FAM234B: variants seen among roughly 807,000 people sequenced by gnomAD.
FAM234B encodes the protein family with sequence similarity 234 member B.
FAM234B carries 33 observed loss-of-function variants against 69.3 expected under a neutral mutation model. The observed-to-expected ratio is 0.48, with a 90% CI of 0.36 to 0.64. The LOEUF (loss-of-function observed/expected upper bound fraction) is 0.64. Among genes scored for constraint, FAM234B ranks in the 30% least tolerant of loss-of-function variants. FAM234B has a pLI of 0.00. For synonymous variants in FAM234B, 306 were observed against 306.9 expected, an observed-to-expected ratio of 1.00 and a Z score of 0.03; for missense variants, 697 against 769.7, an observed-to-expected ratio of 0.91 and a Z score of 1.12.
At chr12:13,064,817 C>G (rs777206035) in intron 5 of FAM234B, among the ~76,000 whole-genome samples, 15 of 152,154 alleles carry the variant, frequency 9.9e-5, no homozygotes, top group African/African-American at 2.9e-4. Flanking sequence ...ATGGAAGACT[C>G]TCTCTTCACA....
rs1404735952 is a variant in FAM234B, at chr12:13,076,152, C to T, written c.1642+9C>T. The T allele has an allele frequency of 6.3e-7, 1 of 1,590,048 alleles. No individual in the cohort carries two copies. The highest frequency in any genetic ancestry group is 8.6e-7 in the Non-Finnish European group (1 of 1,158,084). The stretch of plus-strand genomic sequence containing the variant: ...AGTGACGGCTTCAGAGGGTGAGTCC[C>T]AGTGCCAGCGGGAGTCTGTGTACGC... On this transcript the variant is annotated intron_variant, in intron 11 of 12. Transcript: ENST00000197268.
chr12:13,071,134 T>G (rs1043191126), intron 9 of FAM234B, 107 bp from the exon 10 acceptor site: 7 of 1,209,024 alleles, frequency 5.8e-6, no homozygotes, highest in Non-Finnish European at 8.4e-6. Flanking sequence ...CGCAGCGTGT[T>G]GATATTTGTG....
In FAM234B at chr12:13,080,647, G is replaced by C. The variant is rs372457263; in HGVS notation, c.*17G>C. The C allele has an allele frequency of 1.9e-6, 3 of 1,601,524 alleles. No homozygotes were observed. In the African/African-American group the frequency reaches 4.0e-5, roughly 21 times the overall value. On this transcript the variant is annotated 3_prime_UTR_variant, in exon 13 of 13. Coordinates refer to ENST00000197268, the MANE Select transcript of FAM234B (RefSeq NM_020853.2). ...TAGATCTAATCTGATGGAATCTTCAGTTGCAGAAGAAGTGAACAGAGTGGA... is the reference window on the plus strand; with the variant it reads ...TAGATCTAATCTGATGGAATCTTCACTTGCAGAAGAAGTGAACAGAGTGGA...
Position 13,068,758 on chromosome 12 carries a change from A to C in FAM234B, c.1368+47A>C, listed in dbSNP as rs368201590. 7.0e-6 allele frequency: 9 copies of C among 1,282,450 alleles called. No individual in the cohort carries two copies. In the African/African-American group the frequency reaches 1.0e-4, roughly 15 times the overall value. The allele number at this position is 1,282,450 out of a possible 1,614,324, so 79.4% of individuals were successfully genotyped here. On this transcript the variant is annotated intron_variant, in intron 9 of 12. Coordinates refer to ENST00000197268, the MANE Select transcript of FAM234B (RefSeq NM_020853.2). ...CAATCAAAGCATATGTAAAGTATAT[A>C]CTTTGTGTCCAACCCTGTGTTAGGC...
intron 2 of FAM234B, among the ~76,000 whole-genome samples, chr12:13,056,761 T>C (rs1333543268): frequency 6.6e-6 from 1 of 152,152 alleles, no homozygotes; most frequent in African/African-American, 2.4e-5. Context: ...GCTTTAGAAA[T>C]AGAACATCAT....
intron 10 of FAM234B, among the ~76,000 whole-genome samples, chr12:13,075,763 C>CT (rs1333335967): frequency 2.6e-5 from 4 of 151,670 alleles, no homozygotes; most frequent in South Asian, 2.1e-4. Flanking sequence ...GCCTGCCTTC[C>CT]TTTTTTTTCT....
chr12:13,067,440 C>A lies in FAM234B; in HGVS notation c.1142+144C>A. The A allele has an allele frequency of 1.2e-6, 1 of 866,096 alleles. No homozygotes were observed. The allele number at this position is 866,096 out of a possible 1,614,324, so 53.7% of individuals were successfully genotyped here. On this transcript the variant is annotated intron_variant, in intron 7 of 12. Transcript: ENST00000197268. This position sits in a 1 kb window ranked among gnomAD's most constrained non-coding sequence, Gnocchi z 4.7. ...TTATCTTAATTTACCATCTTCTGATCTGGTTAACATGAGTTAGAAATTTTC... is the reference window on the plus strand; with the variant it reads ...TTATCTTAATTTACCATCTTCTGATATGGTTAACATGAGTTAGAAATTTTC...
intron 1 of FAM234B, among the ~76,000 whole-genome samples, chr12:13,051,424 T>G (rs1489418673): frequency 5.9e-5 from 9 of 152,232 alleles, no homozygotes; most frequent in Non-Finnish European, 1.3e-4. Flanking sequence ...GATGCTAAAT[T>G]TTTCACTTGG....
intron 12 of FAM234B, among the ~76,000 whole-genome samples, chr12:13,080,398 A>AT (rs1417232385): frequency 1.3e-5 from 2 of 152,140 alleles, no homozygotes; most frequent in Non-Finnish European, 2.9e-5. Flanking sequence ...TTCCCTCCCC[A>AT]TCCCCACTCC....
rs1246359521 is a variant in FAM234B at position 13,044,768 on chromosome 12, C to T, written c.37+328C>T. The stretch of plus-strand genomic sequence containing the variant: ...AGGCTGGCGAGAGGAGCATCCTTCC[C>T]GAGCGCCGCGGACCCAGCACCGCAG... On this transcript the variant is annotated intron_variant, in intron 1 of 12. Coordinates refer to ENST00000197268, the MANE Select transcript of FAM234B (RefSeq NM_020853.2). The surrounding 1 kb of genome is among the most constrained non-coding windows in gnomAD (Gnocchi z 5.6). Among the ~76,000 whole-genome samples, 1 of 152,176 alleles carries T rather than the reference C, an allele frequency of 6.6e-6. No individual in the cohort carries two copies. Among genetic ancestry groups the T allele is most frequent in the Admixed American group, 6.5e-5 (1 of 15,286 alleles).
At chr12:13,049,712 G>A (rs1404814566) in intron 1 of FAM234B, among the ~76,000 whole-genome samples, 8 of 152,258 alleles carry the variant, frequency 5.3e-5, no homozygotes, top group African/African-American at 1.7e-4. Context: ...CAGAGAAGAC[G>A]ATTTTCCTAA....
At chr12:13,061,787 A>G in intron 4 of FAM234B, 24 bp downstream of exon 4, 2 of 1,602,968 alleles carry the variant, frequency 1.2e-6, no homozygotes, top group Non-Finnish European at 1.7e-6. Context: ...ACCACAAAAG[A>G]ACTTTGCTCC....
intron 4 of FAM234B, chr12:13,062,157 T>C (rs1360811858): frequency 6.0e-6 from 1 of 165,358 alleles, no homozygotes; most frequent in Non-Finnish European, 1.3e-5. Context: ...AAATAAAGGT[T>C]TGTTGAGGCT....
chr12:13,076,703 T>C (rs1865166596), intron 11 of FAM234B, among the ~76,000 whole-genome samples: 1 of 152,246 alleles, frequency 6.6e-6, no homozygotes, highest in African/African-American at 2.4e-5. Flanking sequence ...ATTAGCATTT[T>C]GGAAGTGTTC....
intron 11 of FAM234B, 52 bp downstream of exon 11, chr12:13,076,195 G>A (rs746906377): frequency 3.7e-6 from 5 of 1,333,734 alleles, no homozygotes; most frequent in Non-Finnish European, 5.4e-6. Context: ...GGGAGAGTAT[G>A]TGTTGGCTGT....
intron 4 of FAM234B, 123 bp downstream of exon 4, chr12:13,061,886 A>G (rs1056677473): frequency 2.1e-5 from 16 of 765,630 alleles, no homozygotes; most frequent in Middle Eastern, 4.9e-4. Flanking sequence ...ACTGATCTGG[A>G]ATATGGTTAT....
intron 5 of FAM234B, 40 bp from the exon 6 acceptor site, chr12:13,066,600 G>A: frequency 6.4e-7 from 1 of 1,566,726 alleles, no homozygotes; most frequent in Non-Finnish European, 8.6e-7. Context: ...GCAAACGATA[G>A]GGCTTCTATT....
Position 13,060,430 on chromosome 12 carries a change from T to A in FAM234B, c.533-1145T>A, listed in dbSNP as rs535790984. On this transcript the variant is annotated intron_variant, in intron 3 of 12. Coordinates refer to ENST00000197268, the MANE Select transcript of FAM234B (RefSeq NM_020853.2). The stretch of plus-strand genomic sequence containing the variant: ...GGAGCCTGGCTTTGGCCTCGAGAAG[T>A]CATAGTCTAGCAGGAAGGGGTAATC... Among the ~76,000 whole-genome samples the A allele has an allele frequency of 2.0e-5, 3 of 152,200 alleles. No individual in the cohort carries two copies. In the South Asian group the frequency reaches 6.2e-4, roughly 32 times the overall value.
intron 9 of FAM234B, among the ~76,000 whole-genome samples, chr12:13,069,557 C>T (rs575635879): frequency 2.0e-5 from 3 of 152,210 alleles, no homozygotes; most frequent in East Asian, 3.9e-4. Flanking sequence ...TGTGGAGGTT[C>T]GCACAGGGGT....
Sources: gnomAD v4.1 joint callset for allele counts (sites outside exome capture counted in the v4.1 genomes callset) on GRCh38, gnomAD v4.1.1 for gene constraint, Gnocchi (gnomAD v3.1) non-coding constraint, MANE v1.5 for transcripts, NCBI Gene and HGNC (gene_info 2026-07-23, HGNC 2026-07-21) for gene names.